Variants in SLC25A13 observed in about 807,000 individuals in gnomAD.
The protein encoded by SLC25A13 is electrogenic aspartate/glutamate antiporter SLC25A13, mitochondrial.
In SLC25A13, 70 loss-of-function variants were observed where a neutral mutation model predicts 85.5. That is an observed-to-expected ratio of 0.82 (90% CI 0.68 to 1.00). The LOEUF (loss-of-function observed/expected upper bound fraction) is 1.00. Among genes scored for constraint, SLC25A13 ranks in the 50% least tolerant of loss-of-function variants. The probability of loss-of-function intolerance (pLI) is 0.00; values close to 1 mark genes in which losing one functional copy is unlikely to be tolerated. For synonymous variants in SLC25A13, 259 were observed against 288.7 expected (o/e 0.90, Z 1.04); for missense variants, 765 against 819.8 (o/e 0.93, Z 0.82).
At chr7:96,231,158 A>C (rs1421608832) in intron 4 of SLC25A13, among the ~76,000 whole-genome samples, 1 of 152,218 alleles carries the variant, frequency 6.6e-6, no homozygotes, top group African/African-American at 2.4e-5. Flanking sequence ...TATTCTTGGA[A>C]GACAACCTAG....
chr7:96,193,446 G>A (rs1246969635), intron 5 of SLC25A13, among the ~76,000 whole-genome samples: 1 of 152,110 alleles, frequency 6.6e-6, no homozygotes, highest in African/African-American at 2.4e-5. Context: ...GCTCTCTAGA[G>A]TCCATGAACA....
intron 13 of SLC25A13, among the ~76,000 whole-genome samples, chr7:96,152,960 C>A (rs1228629597): frequency 6.6e-6 from 1 of 152,114 alleles, no homozygotes; most frequent in Non-Finnish European, 1.5e-5. Context: ...GAGAAAATGA[C>A]AGTAGTTTAT....
intron 3 of SLC25A13, among the ~76,000 whole-genome samples, chr7:96,235,660 A>G (rs1431096170): frequency 6.6e-6 from 1 of 152,228 alleles, no homozygotes; most frequent in East Asian, 1.9e-4. Flanking sequence ...AGGAGTGTAC[A>G]GGGAAACTGA....
At chr7:96,143,176 C>A (rs183768076) in intron 14 of SLC25A13, among the ~76,000 whole-genome samples, 8 of 152,296 alleles carry the variant, frequency 5.3e-5, no homozygotes, top group Admixed American at 6.5e-5. Context: ...CCTAACGAAG[C>A]GTCTTTTTGG....
intron 13 of SLC25A13, among the ~76,000 whole-genome samples, chr7:96,147,094 G>A (rs1461403140): frequency 1.6e-5 from 2 of 126,686 alleles, no homozygotes; most frequent in East Asian, 4.1e-4. Context: ...TCCAAATGAG[G>A]AGACACAGAA....
At chr7:96,272,219 CTCTT>C (rs1798266875) in intron 3 of SLC25A13, among the ~76,000 whole-genome samples, 1 of 152,010 alleles carries the variant, frequency 6.6e-6, no homozygotes, top group South Asian at 2.1e-4. Context: ...AACATTTTTG[CTCTT>C]TCTTATACCT....
At chr7:96,243,546 G>T (rs920637418) in intron 3 of SLC25A13, among the ~76,000 whole-genome samples, 2 of 151,558 alleles carry the variant, frequency 1.3e-5, no homozygotes, top group Non-Finnish European at 2.9e-5. Flanking sequence ...CACTCATTTG[G>T]TTTTTTTTTA....
chr7:96,322,080 G>C lies in SLC25A13; in HGVS notation c.-124C>G, dbSNP rs886562781. On this transcript the variant is annotated 5_prime_UTR_variant, in exon 1 of 18. Transcript: ENST00000265631. ...GGGGGCGGCGATACGGCCAGGCAGC[G>C]TGCGTTCCTGGCCTGCCTCCCCACG... The C allele has an allele frequency of 1.5e-6, 2 of 1,330,298 alleles. No homozygotes were observed. The highest frequency in any genetic ancestry group is 2.1e-5 in the Admixed American group (1 of 48,484). The allele number at this position is 1,330,298 out of a possible 1,614,324, so 82.4% of individuals were successfully genotyped here.
intron 2 of SLC25A13, among the ~76,000 whole-genome samples, chr7:96,286,428 G>C (rs150149587): frequency 8.1e-4 from 124 of 152,228 alleles, no homozygotes; most frequent in African/African-American, 2.9e-3. Context: ...GTGGCACTCT[G>C]ACAGCTCTTT....
chr7:96,270,048 A>T lies in SLC25A13; in HGVS notation c.212+7148T>A, dbSNP rs201208298. On this transcript the variant is annotated intron_variant, in intron 3 of 17. Transcript: ENST00000265631. ...TTAGAGGAGTAAGCTCAAGAGACCT[A>T]TTGTACAACATATTGACTATACTTA... Among the ~76,000 whole-genome samples the T allele has an allele frequency of 2.6e-4, 40 of 152,344 alleles. No homozygotes were observed. In the East Asian group the frequency reaches 7.3e-3, roughly 28 times the overall value.
At chr7:96,231,148 T>C (rs1796525901) in intron 4 of SLC25A13, among the ~76,000 whole-genome samples, 1 of 152,096 alleles carries the variant, frequency 6.6e-6, no homozygotes, top group Non-Finnish European at 1.5e-5. Flanking sequence ...CTCAAAGCTA[T>C]ATTCTTGGAA....
rs1215792710 is a variant in SLC25A13 at position 96,219,880 on chromosome 7, C to T, written c.329-10903G>A. On this transcript the variant is annotated intron_variant, in intron 4 of 17. Coordinates refer to ENST00000265631, the MANE Select transcript of SLC25A13 (RefSeq NM_014251.3). Reference sequence around the variant, plus strand: ...TGGCTCAAGGCTGGCAGATATTTAGCGTAAGATATTAACCATCTGTCACAC... The same window carrying T: ...TGGCTCAAGGCTGGCAGATATTTAGTGTAAGATATTAACCATCTGTCACAC... 13 of 394,240 alleles carry T rather than the reference C, an allele frequency of 3.3e-5. No individual in the cohort carries two copies. In the East Asian group the frequency reaches 4.9e-4, roughly 15 times the overall value. 24.4% of individuals were successfully genotyped at this position (394,240 alleles called of 1,614,324 possible).
intron 3 of SLC25A13, among the ~76,000 whole-genome samples, chr7:96,271,826 T>A (rs1798250123): frequency 6.6e-6 from 1 of 152,058 alleles, no homozygotes; most frequent in African/African-American, 2.4e-5. Flanking sequence ...GGGGATAAAA[T>A]AGAACACAAA....
At position 96,146,536 on chromosome 7, in the gene SLC25A13, T is replaced by TA. The variant is rs749506606; in HGVS notation, c.1452+19dup. 0.082 allele frequency: 95,749 copies of TA among 1,166,798 alleles called. No individual in the cohort carries two copies. The highest frequency in any genetic ancestry group is 0.091 in the Non-Finnish European group (75,496 of 833,498). The allele number at this position is 1,166,798 out of a possible 1,614,324, so 72.3% of individuals were successfully genotyped here. ...ATGAGAAAGTAATCAAATAAATGAC[T>TA]AAAAAAAAAAAAAAGTTACCTTGTA... On this transcript the variant is annotated intron_variant, in intron 14 of 17. Transcript: ENST00000265631.
At chr7:96,310,759 T>G (rs1035472505) in intron 1 of SLC25A13, among the ~76,000 whole-genome samples, 2 of 152,236 alleles carry the variant, frequency 1.3e-5, no homozygotes, top group African/African-American at 4.8e-5. Context: ...CAGTCTATTC[T>G]CCAACTCACT....
At chr7:96,278,118 G>A (rs966546733) in intron 2 of SLC25A13, among the ~76,000 whole-genome samples, 1 of 152,214 alleles carries the variant, frequency 6.6e-6, no homozygotes, top group Non-Finnish European at 1.5e-5. Context: ...GGATAAGAGA[G>A]AGCCCATTAA....
At chr7:96,320,877 A>G (rs1051128763) in intron 1 of SLC25A13, among the ~76,000 whole-genome samples, 13 of 152,212 alleles carry the variant, frequency 8.5e-5, no homozygotes, top group African/African-American at 2.9e-4. Context: ...ATAAATAGGA[A>G]TATGATGTGT....
chr7:96,216,885 C>T (rs1246466245), intron 4 of SLC25A13, among the ~76,000 whole-genome samples: 1 of 151,392 alleles, frequency 6.6e-6, no homozygotes, highest in Non-Finnish European at 1.5e-5. Flanking sequence ...CACATGTACC[C>T]CTGAACTTAA....
At chr7:96,300,185 G>A (rs899028302) in intron 1 of SLC25A13, among the ~76,000 whole-genome samples, 2 of 152,090 alleles carry the variant, frequency 1.3e-5, no homozygotes, top group Admixed American at 1.3e-4. Flanking sequence ...CAAGGTGGGA[G>A]GATCACTTGA....
Sources: gnomAD v4.1 joint callset for allele counts (sites outside exome capture counted in the v4.1 genomes callset) on GRCh38, gnomAD v4.1.1 for gene constraint, MANE v1.5 for transcripts, NCBI Gene and HGNC (gene_info 2026-07-23, HGNC 2026-07-21) for gene names.